Variants in THSD7B observed in about 807,000 individuals in gnomAD.
THSD7B encodes thrombospondin type-1 domain-containing protein 7B.
In THSD7B, 138 loss-of-function variants were observed where a neutral mutation model predicts 213.6. The ratio of observed to expected loss-of-function variants is 0.65; its 90% CI spans 0.56 to 0.74. THSD7B has a LOEUF of 0.74. Ranked by LOEUF, THSD7B falls within the 30% of genes least tolerant of loss-of-function variation. THSD7B has a pLI of 0.00. For missense variants in THSD7B, 1,931 were observed against 1,991.5 expected (o/e 0.97, Z 0.58); for synonymous variants, 742 against 687.0 (o/e 1.08, Z -1.25).
intron 15 of THSD7B, among the ~76,000 whole-genome samples, chr2:137,471,422 A>T (rs1292291242): frequency 6.6e-6 from 1 of 152,058 alleles, no homozygotes; most frequent in Non-Finnish European, 1.5e-5. Context: ...CAGAAAGCTA[A>T]ATTCAAATTT....
intron 5 of THSD7B, among the ~76,000 whole-genome samples, chr2:137,129,375 T>G (rs1270546595): frequency 6.6e-6 from 1 of 152,196 alleles, no homozygotes; most frequent in Non-Finnish European, 1.5e-5. Flanking sequence ...TTATGTCAGA[T>G]ATAAGACTTC....
intron 8 of THSD7B, among the ~76,000 whole-genome samples, chr2:137,232,503 C>T (rs1047228407): frequency 3.9e-5 from 6 of 151,984 alleles, no homozygotes; most frequent in African/African-American, 1.5e-4. Context: ...TGTGTGTGTG[C>T]TCATTCAAAC....
chr2:137,374,043 G>C (rs1230311594), intron 12 of THSD7B, among the ~76,000 whole-genome samples: 1 of 151,692 alleles, frequency 6.6e-6, no homozygotes, highest in Non-Finnish European at 1.5e-5. Context: ...GCTCTGTTCT[G>C]TTCCATTGAT....
intron 5 of THSD7B, among the ~76,000 whole-genome samples, chr2:137,133,372 T>C (rs1277274232): frequency 6.6e-6 from 1 of 152,188 alleles, no homozygotes; most frequent in Non-Finnish European, 1.5e-5. Context: ...GAACATAAAC[T>C]TCTTTATTCA....
At chr2:137,559,246 C>T (rs1249849463) in intron 15 of THSD7B, among the ~76,000 whole-genome samples, 6 of 152,066 alleles carry the variant, frequency 3.9e-5, no homozygotes, top group Admixed American at 2.0e-4. Flanking sequence ...AAAAAGAGCC[C>T]GCATTGCCAA....
chr2:137,296,644 A>C (rs563930476), intron 12 of THSD7B, among the ~76,000 whole-genome samples: 1 of 152,178 alleles, frequency 6.6e-6, no homozygotes, highest in East Asian at 1.9e-4. Context: ...GCTAAATGAC[A>C]GTTTTTACAA....
intron 10 of THSD7B, among the ~76,000 whole-genome samples, chr2:137,247,974 T>C (rs1682080189): frequency 2.0e-5 from 3 of 152,168 alleles, no homozygotes; most frequent in Non-Finnish European, 4.4e-5. Context: ...GCCAGGTATA[T>C]AGAAATTTAC....
At chr2:137,295,258 GTATT>G (rs1297576752) in intron 12 of THSD7B, among the ~76,000 whole-genome samples, 3 of 152,106 alleles carry the variant, frequency 2.0e-5, no homozygotes, top group Non-Finnish European at 4.4e-5. Context: ...AATTGAATGA[GTATT>G]TAGTTTTCCA....
chr2:136,838,658 T>G (rs1682877187), intron 1 of THSD7B, among the ~76,000 whole-genome samples: 1 of 152,138 alleles, frequency 6.6e-6, no homozygotes, highest in East Asian at 1.9e-4. Flanking sequence ...GTTATTGAGT[T>G]AAGAGGAACC....
At chr2:137,581,749 G>C (rs1681579927) in intron 17 of THSD7B, among the ~76,000 whole-genome samples, 1 of 144,684 alleles carries the variant, frequency 6.9e-6, no homozygotes, top group South Asian at 2.1e-4. Flanking sequence ...GACAGAGCGA[G>C]ACTCCGTCTC....
chr2:137,521,069 G>A (rs149422429), intron 15 of THSD7B, among the ~76,000 whole-genome samples: 6 of 152,186 alleles, frequency 3.9e-5, no homozygotes, highest in African/African-American at 7.2e-5. Flanking sequence ...TAGTATCACC[G>A]GAGCAGGTGT....
intron 2 of THSD7B, among the ~76,000 whole-genome samples, chr2:136,896,953 TA>T (rs1683970087): frequency 1.7e-5 from 2 of 115,080 alleles, no homozygotes; most frequent in South Asian, 5.0e-4. Flanking sequence ...CATATATATA[TA>T]TATTTTTTTA....
intron 16 of THSD7B, among the ~76,000 whole-genome samples, chr2:137,566,528 A>G (rs1246323322): frequency 6.6e-6 from 1 of 152,190 alleles, no homozygotes; most frequent in Non-Finnish European, 1.5e-5. Flanking sequence ...GGGTGATGCC[A>G]GGGACTTGAC....
At chr2:137,037,884 T>G (rs1257573756) in intron 2 of THSD7B, among the ~76,000 whole-genome samples, 1 of 152,202 alleles carries the variant, frequency 6.6e-6, no homozygotes, top group Non-Finnish European at 1.5e-5. Context: ...AAGTCACAGA[T>G]GATGGATTAA....
intron 12 of THSD7B, among the ~76,000 whole-genome samples, chr2:137,326,324 G>A (rs890667324): frequency 1.3e-5 from 2 of 152,152 alleles, no homozygotes; most frequent in African/African-American, 2.4e-5. Context: ...CTAGATCTTT[G>A]TCTGGCATGT....
chr2:136,791,742 T>C (rs953185078), intron 1 of THSD7B, among the ~76,000 whole-genome samples: 2 of 152,124 alleles, frequency 1.3e-5, no homozygotes, highest in Non-Finnish European at 2.9e-5. Context: ...CTTTTTATTG[T>C]CTACTAATAT....
chr2:137,154,093 A>G (rs886195376), intron 5 of THSD7B, among the ~76,000 whole-genome samples: 2 of 152,158 alleles, frequency 1.3e-5, no homozygotes, highest in African/African-American at 4.8e-5. Flanking sequence ...ATTTAAAATT[A>G]ACTGAAGATA....
intron 12 of THSD7B, among the ~76,000 whole-genome samples, chr2:137,286,627 A>T (rs1270748572): frequency 6.6e-6 from 1 of 151,586 alleles, no homozygotes; most frequent in Non-Finnish European, 1.5e-5. Context: ...CAAAGCACAT[A>T]TATAGGTTTG....
chr2:137,509,276 T>C (rs1368641182), intron 15 of THSD7B, among the ~76,000 whole-genome samples: 7 of 150,858 alleles, frequency 4.6e-5, no homozygotes, highest in Non-Finnish European at 1.0e-4. Context: ...TTTCCTTCCT[T>C]CCTTTCTTCC....
Sources: gnomAD v4.1 joint callset for allele counts (sites outside exome capture counted in the v4.1 genomes callset) on GRCh38, gnomAD v4.1.1 for gene constraint, MANE v1.5 for transcripts, NCBI Gene and HGNC (gene_info 2026-07-23, HGNC 2026-07-21) for gene names.